CYRIB: variants seen among roughly 807,000 people sequenced by gnomAD.
CYRIB encodes the protein CYFIP-related Rac1 interactor B.
In CYRIB, 8 loss-of-function variants were observed where a neutral mutation model predicts 44.2. That is an observed-to-expected ratio of 0.18 (90% confidence interval 0.11 to 0.33). The LOEUF is 0.33. CYRIB is among the 10% of genes least tolerant of loss of function. CYRIB has a pLI of 1.00. For synonymous variants in CYRIB, 131 were observed against 127.2 expected (o/e 1.03, Z -0.20); for missense variants, 185 against 382.8 (o/e 0.48, Z 4.31).
chr8:129,955,363 G>A (rs368811961), intron 2 of CYRIB, among the ~76,000 whole-genome samples: 5 of 151,734 alleles, frequency 3.3e-5, no homozygotes, highest in Non-Finnish European at 2.9e-5. Context: ...TATCTTTCTC[G>A]GTCACAACAC....
At chr8:129,874,910 G>A (rs947490933) in intron 3 of CYRIB, among the ~76,000 whole-genome samples, 1 of 152,102 alleles carries the variant, frequency 6.6e-6, no homozygotes, top group African/African-American at 2.4e-5. Context: ...TAGAGGAAAT[G>A]CATGACTCAA....
At position 129,902,444 on chromosome 8, in the gene CYRIB, T is replaced by C. The variant is rs185990591; in HGVS notation, c.-11+868A>G. 4.7e-4 allele frequency among the ~76,000 whole-genome samples: 71 copies of C among 152,286 alleles called. No individual in the cohort carries two copies. In the South Asian group the frequency reaches 0.01, roughly 22 times the overall value. ...CATGTTGGCCAGGCTGGTCTTGAAC[T>C]CCTGACCTCAGGTGATCCACCCACC... On this transcript the variant is annotated intron_variant, in intron 2 of 11. Coordinates refer to ENST00000519824, the Ensembl canonical transcript of CYRIB.
chr8:129,939,132 C>A (rs1477674980), intron 1 of CYRIB, among the ~76,000 whole-genome samples: 1 of 151,402 alleles, frequency 6.6e-6, no homozygotes, highest in Admixed American at 6.6e-5. Flanking sequence ...GGTGTCGAGG[C>A]GAGGCGAGGC....
At chr8:129,859,308 G>A (rs570166168) in intron 5 of CYRIB, among the ~76,000 whole-genome samples, 158 of 152,204 alleles carry the variant, frequency 1.0e-3, no homozygotes, top group Non-Finnish European at 1.9e-3. Context: ...AAACGGCAGA[G>A]CCAGGTGTAC....
rs535113032 is a variant in CYRIB, at chr8:129,873,260, G to A, written c.74-1764C>T. On this transcript the variant is annotated intron_variant, in intron 3 of 11. Transcript: ENST00000519824. ...GAGGAGCCAATTGAAAAATTAAAAAGACTCTCTATCCAAGGCTACAAAGGT... is the reference window on the plus strand; with the variant it reads ...GAGGAGCCAATTGAAAAATTAAAAAAACTCTCTATCCAAGGCTACAAAGGT... Among the ~76,000 whole-genome samples the A allele has an allele frequency of 2.8e-4, 42 of 151,942 alleles. No homozygotes were observed. In the South Asian group the frequency reaches 8.7e-3, roughly 32 times the overall value.
intron 1 of CYRIB, among the ~76,000 whole-genome samples, chr8:130,003,328 G>C (rs955783686): frequency 6.6e-6 from 1 of 152,202 alleles, no homozygotes; most frequent in Non-Finnish European, 1.5e-5. Context: ...CTGGGTCAAA[G>C]GTTATGAAGA....
At chr8:129,903,101 A>C (rs1589222955) in intron 2 of CYRIB, 3 of 147,168 alleles carry the variant, frequency 2.0e-5, no homozygotes, top group African/African-American at 8.3e-5. Flanking sequence ...GAAAGCTGTT[A>C]AAAAAAGTTC....
At chr8:129,853,282 G>C (rs921542878) in intron 7 of CYRIB, among the ~76,000 whole-genome samples, 4 of 152,176 alleles carry the variant, frequency 2.6e-5, no homozygotes, top group Non-Finnish European at 5.9e-5. Context: ...TACATGGTAG[G>C]TATGAAAAAG....
At chr8:129,904,799 T>C (rs575025925) in intron 1 of CYRIB, among the ~76,000 whole-genome samples, 6 of 152,334 alleles carry the variant, frequency 3.9e-5, no homozygotes, top group African/African-American at 1.4e-4. Flanking sequence ...AGGCAGAAGA[T>C]TCTGTTGCCT....
chr8:129,956,265 T>C (rs565961565), intron 2 of CYRIB, among the ~76,000 whole-genome samples: 2 of 152,242 alleles, frequency 1.3e-5, no homozygotes, highest in South Asian at 4.1e-4. Flanking sequence ...TCCCCACCCC[T>C]TCTCAAATAA....
At chr8:129,879,689 C>A in intron 2 of CYRIB, 1 of 455,600 alleles carries the variant, frequency 2.2e-6, no homozygotes, top group Non-Finnish European at 3.9e-6. Flanking sequence ...TACACAATGG[C>A]ACAACTGTTG....
intron 1 of CYRIB, among the ~76,000 whole-genome samples, chr8:129,917,702 C>A (rs2136820190): frequency 6.6e-6 from 1 of 152,100 alleles, no homozygotes; most frequent in South Asian, 2.1e-4. Context: ...ACTAAAAATA[C>A]AAAAATTCGC....
At chr8:129,938,856 T>C (rs1222159158) in intron 1 of CYRIB, among the ~76,000 whole-genome samples, 2 of 151,824 alleles carry the variant, frequency 1.3e-5, no homozygotes, top group African/African-American at 4.8e-5. Context: ...AGCCATGAGG[T>C]TAAAACACAT....
intron 8 of CYRIB, 112 bp downstream of exon 10, chr8:129,852,050 C>G (rs2043549952): frequency 3.5e-6 from 2 of 569,576 alleles, no homozygotes; most frequent in South Asian, 3.5e-5. Context: ...ACACATACAT[C>G]TGGGAGTCTG....
intron 1 of CYRIB, among the ~76,000 whole-genome samples, chr8:129,988,341 G>T (rs1341526376): frequency 6.6e-6 from 1 of 152,192 alleles, no homozygotes; most frequent in Non-Finnish European, 1.5e-5. Flanking sequence ...CCTGAGAAGG[G>T]AGGAGTGATG....
chr8:129,879,413 G>A, exon 3 of CYRIB: 1 of 1,611,796 alleles, frequency 6.2e-7, no homozygotes. Flanking sequence ...AAAAAATTTG[G>A]CCCCTGCTCA....
chr8:129,894,507 G>C (rs1332516040), intron 2 of CYRIB: 1 of 152,212 alleles, frequency 6.6e-6, no homozygotes, highest in Admixed American at 6.5e-5. Flanking sequence ...TGCTGGGGCT[G>C]AGAATGCAAA....
At chr8:129,976,269 C>A (rs898984402) in intron 1 of CYRIB, among the ~76,000 whole-genome samples, 1 of 151,992 alleles carries the variant, frequency 6.6e-6, no homozygotes, top group Admixed American at 6.6e-5. Flanking sequence ...ATATTTCTAA[C>A]AACGCTTTAT....
At position 129,925,638 on chromosome 8, in the gene CYRIB, T is replaced by G. The variant is rs548937473; in HGVS notation, c.-50+13970A>C. On this transcript the variant is annotated intron_variant, in intron 1 of 11. Transcript: ENST00000519824. ...CACAGATCTCTTAGTCCAAAAAACT[T>G]TGGGAGCACTGGCAGTCCATCTACA... 2.2e-3 allele frequency among the ~76,000 whole-genome samples: 328 copies of G among 152,254 alleles called. 5 individuals carry two copies. Among genetic ancestry groups the G allele is most frequent in the African/African-American group, 7.5e-3 (312 of 41,538 alleles).
Sources: gnomAD v4.1 joint callset for allele counts (sites outside exome capture counted in the v4.1 genomes callset) on GRCh38, gnomAD v4.1.1 for gene constraint, MANE v1.5 for transcripts, NCBI Gene and HGNC (gene_info 2026-07-23, HGNC 2026-07-21) for gene names.